The following ABCC8 variants were observed in gnomAD, a reference collection of about 807,000 sequenced individuals.
The protein encoded by ABCC8 is ATP binding cassette subfamily C member 8.
ABCC8 carries 137 observed loss-of-function variants against 188.0 expected under a neutral mutation model. That is an observed-to-expected ratio of 0.73 (90% CI 0.63 to 0.84). ABCC8 has a LOEUF of 0.84. Among genes scored for constraint, ABCC8 ranks in the 40% least tolerant of loss-of-function variants. The probability of loss-of-function intolerance (pLI) is 0.00; values close to 1 mark genes in which losing one functional copy is unlikely to be tolerated. For synonymous variants in ABCC8, 797 were observed against 846.5 expected (o/e 0.94, Z 1.01); for missense variants, 1,750 against 2,072.7 (o/e 0.84, Z 3.02).
At chr11:17,419,356 C>A (rs1955229256) in intron 16 of ABCC8, among the ~76,000 whole-genome samples, 1 of 152,210 alleles carries the variant, frequency 6.6e-6, no homozygotes, top group Admixed American at 6.5e-5. Context: ...TGTGTGGCAA[C>A]CTGAATCAGG....
At chr11:17,458,228 G>A (rs1399798996) in intron 6 of ABCC8, among the ~76,000 whole-genome samples, 1 of 152,174 alleles carries the variant, frequency 6.6e-6, no homozygotes, top group Non-Finnish European at 1.5e-5. Context: ...AATCTGATAA[G>A]GCCCACTGCC....
Position 17,404,384 on chromosome 11 carries a change from ATTTCTGTTTTTTG to A in ABCC8, c.3557+115_3557+127del. On this transcript the variant is annotated intron_variant, in intron 28 of 38. Transcript: ENST00000389817. The surrounding 1 kb of genome is among the most constrained non-coding windows in gnomAD (Gnocchi z 4.7). ...AGATGTGGATATTTCTATTTCCTTC[ATTTCTGTTTTTTG>A]TTTTTATTTTTTGGAGGGAACACGA... The A allele has an allele frequency of 3.0e-6, 3 of 998,412 alleles. No homozygotes were observed. Among genetic ancestry groups the A allele is most frequent in the South Asian group, 2.6e-5 (2 of 76,630 alleles). 61.8% of individuals were successfully genotyped at this position (998,412 alleles called of 1,614,324 possible).
chr11:17,443,096 T>G, intron 9 of ABCC8, 82 bp downstream of exon 9: 1 of 1,545,668 alleles, frequency 6.5e-7, no homozygotes, highest in Non-Finnish European at 8.9e-7. Flanking sequence ...TCAATGACAG[T>G]GTGGGTGTGT....
chr11:17,461,887 C>A, intron 4 of ABCC8, 62 bp from the exon 5 acceptor site: 2 of 1,607,284 alleles, frequency 1.2e-6, no homozygotes, highest in South Asian at 1.1e-5. Context: ...CCCTACCTTG[C>A]CCCAGCAAGG....
intron 10 of ABCC8, chr11:17,435,913 A>G (rs1956074071): frequency 1.4e-6 from 2 of 1,413,848 alleles, no homozygotes; most frequent in East Asian, 2.3e-5. Context: ...AGGGAGTAAC[A>G]GGGCCAACAT....
chr11:17,394,262 C>G lies in ABCC8; in HGVS notation c.4545+4G>C, dbSNP rs760433463. 3.7e-6 allele frequency: 6 copies of G among 1,613,738 alleles called. No homozygotes were observed. Among genetic ancestry groups the G allele is most frequent in the Non-Finnish European group, 5.1e-6 (6 of 1,179,940 alleles). Reference sequence around the variant, plus strand: ...ATGGTCCCATGGAGGGGCCCAGGACCAACCGTGGCCATGTCAATGGAAGCC... The same window carrying G: ...ATGGTCCCATGGAGGGGCCCAGGACGAACCGTGGCCATGTCAATGGAAGCC... On this transcript the variant is annotated splice_donor_region_variant and intron_variant, in intron 37 of 38. Transcript: ENST00000389817.
intron 3 of ABCC8, chr11:17,465,610 G>A (rs977152582): frequency 1.3e-5 from 2 of 152,152 alleles, no homozygotes; most frequent in African/African-American, 2.4e-5. Flanking sequence ...GAAGGAAAGA[G>A]GCATAACATG....
rs1007114942 is a variant in ABCC8 at position 17,395,895 on chromosome 11, G to A, written c.4155C>T (p.Ser1385=). ...TGCGGAAGAAGGCAAGAGAGAAGGA[G>A]GACTTCCCACTGCCGGTGCGGCCGC... is the stretch of plus-strand genomic sequence containing the variant. ...GICGRTGSGK[S]SFSLAFFRMV... The change falls in exon 34 of 39, where the codon TCC becomes TCT. Residue 1385 remains serine, a synonymous_variant. Coordinates refer to ENST00000389817, the MANE Select transcript of ABCC8 (RefSeq NM_000352.6). 6.3e-7 allele frequency: 1 copy of A among 1,591,616 alleles called. No homozygotes were observed. Among genetic ancestry groups the A allele is most frequent in the Non-Finnish European group, 8.6e-7 (1 of 1,168,216 alleles).
chr11:17,401,791 A>T (rs764098000), intron 29 of ABCC8, among the ~76,000 whole-genome samples: 2 of 152,134 alleles, frequency 1.3e-5, no homozygotes, highest in Non-Finnish European at 1.5e-5. Flanking sequence ...TTCCCCAGGC[A>T]ACCTCAGATG....
intron 8 of ABCC8, 39 bp from the exon 9 acceptor site, chr11:17,443,351 T>C: frequency 1.2e-6 from 2 of 1,613,636 alleles, no homozygotes; most frequent in Non-Finnish European, 1.7e-6. Context: ...TTTGACCTGA[T>C]GGTTGCCCTG....
chr11:17,410,692 A>G, intron 21 of ABCC8, 39 bp from the exon 22 acceptor site: 2 of 1,613,534 alleles, frequency 1.2e-6, no homozygotes, highest in Non-Finnish European at 1.7e-6. Context: ...AGGGTAGGGA[A>G]AGGCATGGTG....
At chr11:17,435,877 C>T in intron 10 of ABCC8, 1 of 1,272,860 alleles carries the variant, frequency 7.9e-7, no homozygotes, top group Non-Finnish European at 1.2e-6. Context: ...GGACTTCACG[C>T]ATTCCAAATA....
intron 6 of ABCC8, among the ~76,000 whole-genome samples, chr11:17,459,816 T>C (rs183106408): frequency 2.4e-4 from 36 of 152,380 alleles, no homozygotes; most frequent in Admixed American, 1.6e-3. Context: ...AAAGGTTTTC[T>C]AGCTCCAACA....
intron 38 of ABCC8, 152 bp downstream of exon 38, chr11:17,393,545 C>G: frequency 7.8e-7 from 1 of 1,276,292 alleles, no homozygotes; most frequent in South Asian, 1.2e-5. Flanking sequence ...TCCCTGCATG[C>G]CCTCCAGGCC....
intron 10 of ABCC8, chr11:17,436,072 T>A: frequency 1.1e-6 from 1 of 935,148 alleles, no homozygotes; most frequent in South Asian, 1.3e-5. Context: ...CTGCTCCATC[T>A]CTTCTTTGGC....
chr11:17,414,342 C>T (rs1433746959), intron 19 of ABCC8, among the ~76,000 whole-genome samples, 170 bp downstream of exon 19: 1 of 152,192 alleles, frequency 6.6e-6, no homozygotes, highest in Admixed American at 6.5e-5. Flanking sequence ...TGCTCAGGCA[C>T]ACCTGGCCCC....
chr11:17,467,042 CCACACACACACA>C lies in ABCC8; in HGVS notation c.412+3047_412+3058del, dbSNP rs569546580. Among the ~76,000 whole-genome samples, 38 of 132,386 alleles carry C rather than the reference CCACACACACACA, an allele frequency of 2.9e-4. No individual in the cohort carries two copies. In the South Asian group the frequency reaches 5.7e-3, roughly 20 times the overall value. The allele number at this position is 132,386 out of a possible 152,430, so 86.9% of individuals were successfully genotyped here. A position where few individuals can be genotyped will look rare whatever the true frequency, so the allele number is the denominator to read the frequency against. On this transcript the variant is annotated intron_variant, in intron 3 of 38. Transcript: ENST00000389817. ...TAAATTTTATGTTAAACATGTTAAA[CCACACACACACA>C]CACACACACACACACACACACACAC... is the stretch of plus-strand genomic sequence containing the variant.
chr11:17,458,574 A>G (rs1281941456), intron 6 of ABCC8, among the ~76,000 whole-genome samples: 1 of 152,198 alleles, frequency 6.6e-6, no homozygotes, highest in African/African-American at 2.4e-5. Flanking sequence ...CAATGGGGGT[A>G]TTCTGGGGTA....
chr11:17,398,523 C>T (rs1348367366), intron 29 of ABCC8, 82 bp from the exon 30 acceptor site: 1 of 1,585,302 alleles, frequency 6.3e-7, no homozygotes, highest in East Asian at 2.3e-5. Flanking sequence ...CAGAGGGAGG[C>T]TCCAGGGCCC....
Sources: allele counts gnomAD v4.1 joint callset (sites outside exome capture counted in the v4.1 genomes callset), GRCh38; gene constraint gnomAD v4.1.1; non-coding constraint Gnocchi (gnomAD v3.1); transcripts MANE v1.5; gene names NCBI Gene and HGNC (gene_info 2026-07-23, HGNC 2026-07-21).